CC2D1B: variants seen among roughly 807,000 people sequenced by gnomAD.
The protein encoded by CC2D1B is coiled-coil and C2 domain-containing protein 1B.
CC2D1B carries 92 observed loss-of-function variants against 110.8 expected under a neutral mutation model. That is an observed-to-expected ratio of 0.83 (90% CI 0.70 to 0.99). The LOEUF is 0.99. Ranked by LOEUF, CC2D1B falls within the 50% of genes least tolerant of loss-of-function variation. The probability of loss-of-function intolerance (pLI) is 0.00; values close to 1 mark genes in which losing one functional copy is unlikely to be tolerated. For synonymous variants in CC2D1B, 406 were observed against 429.2 expected (o/e 0.95, Z 0.67); for missense variants, 1,136 against 1,089.0 (o/e 1.04, Z -0.61).
Position 52,356,280 on chromosome 1 carries a change from G to C in CC2D1B, c.1960C>G (p.Arg654Gly), listed in dbSNP as rs79051491. ...TGCAGGATCTCCAGCTGTTTCTTGCGGTCCTGAGCAAGCTTCTCAAATCTG... is the reference window on the plus strand; with the variant it reads ...TGCAGGATCTCCAGCTGTTTCTTGCCGTCCTGAGCAAGCTTCTCAAATCTG... ...TTRFEKLAQD[R>G]KKQLEILQLA... Residue 654 changes from arginine (R) to glycine (G), a missense_variant, in exon 18 of 25, where the codon CGC becomes GGC. Physicochemically the swap from Arg to Gly is moderately radical, Grantham distance 125. Transcript: ENST00000284376. The C allele has an allele frequency of 7.4e-6, 12 of 1,614,162 alleles. No homozygotes were observed. The highest frequency in any genetic ancestry group is 1.6e-4 in the Middle Eastern group (1 of 6,062).
intron 15 of CC2D1B, 179 bp from the exon 16 acceptor site, chr1:52,357,305 G>A: frequency 1.1e-6 from 1 of 929,638 alleles, no homozygotes; most frequent in South Asian, 1.7e-5. Flanking sequence ...GCCTGGCCCA[G>A]CCTTGTCATC....
intron 16 of CC2D1B, 137 bp from the exon 17 acceptor site, chr1:52,356,579 C>T (rs762276363): frequency 5.9e-6 from 5 of 854,182 alleles, no homozygotes; most frequent in South Asian, 1.5e-5. Context: ...GCCCCAAGGG[C>T]ACTACTCCCA....
At chr1:52,364,511 C>T in intron 2 of CC2D1B, 41 bp downstream of exon 2, 1 of 1,462,932 alleles carries the variant, frequency 6.8e-7, no homozygotes, top group Non-Finnish European at 9.4e-7. Context: ...GGACCCCCAT[C>T]CCCAAACCGA....
chr1:52,359,524 G>A lies in CC2D1B; in HGVS notation c.953C>T (p.Ala318Val). The stretch of plus-strand genomic sequence containing the variant: ...CCCCTTCTCCAGGGCCTCCAGGACA[G>A]CACCGAATCTCTGCAGAAGTTGGAA... ...ELMRIGKRFG[A>V]VLEALEKGQP... The change falls in exon 9 of 25, where the codon GCT becomes GTT. Residue 318 changes from alanine to valine, a missense_variant. Coordinates refer to ENST00000284376, the MANE Select transcript of CC2D1B (RefSeq NM_001330585.2). 2 of 1,613,894 alleles carry A rather than the reference G, an allele frequency of 1.2e-6. No homozygotes were observed. Among genetic ancestry groups the A allele is most frequent in the Non-Finnish European group, 1.7e-6 (2 of 1,179,984 alleles).
At chr1:52,353,699 G>C in intron 23 of CC2D1B, 52 bp from the exon 24 acceptor site, 1 of 1,366,126 alleles carries the variant, frequency 7.3e-7, no homozygotes, top group Non-Finnish European at 1.0e-6. Flanking sequence ...GAGATGGGGA[G>C]CAGGCAGGTC....
rs1387427634 is a variant in CC2D1B at position 52,352,864 on chromosome 1, A to T, written c.*361T>A. The T allele has an allele frequency of 1.7e-5, 3 of 181,252 alleles. No homozygotes were observed. The highest frequency in any genetic ancestry group is 3.6e-5 in the Non-Finnish European group (3 of 84,268). The allele number at this position is 181,252 out of a possible 1,614,324, so 11.2% of individuals were successfully genotyped here. On this transcript the variant is annotated 3_prime_UTR_variant, in exon 25 of 25. Coordinates refer to ENST00000284376, the MANE Select transcript of CC2D1B (RefSeq NM_001330585.2). ...CCATAGTTAGATCTTTTAAAGGCAC[A>T]TCTAGAAGTGGTGCAACTGGAGGCA...
chr1:52,355,618 T>C lies in CC2D1B; in HGVS notation c.2177A>G (p.Tyr726Cys). 6.2e-7 allele frequency: 1 copy of C among 1,613,946 alleles called. No homozygotes were observed. The highest frequency in any genetic ancestry group is 8.5e-7 in the Non-Finnish European group (1 of 1,179,990). The change falls in exon 20 of 25, where the codon TAC (tyrosine) becomes TGC (cysteine). Residue 726 changes from tyrosine (Y) to cysteine (C), a missense_variant. Tyr to Cys is a radical substitution (Grantham distance 194). Coordinates refer to ENST00000284376, the MANE Select transcript of CC2D1B (RefSeq NM_001330585.2). ...CTACCTGAACCTCACCGAGTTAGGGTAGTGAAACTCAAACCGCACAAAAGC... is the reference window on the plus strand; with the variant it reads ...CTACCTGAACCTCACCGAGTTAGGGCAGTGAAACTCAAACCGCACAAAAGC... Reference protein sequence around the residue: ...LDAFVRFEFHYPNSDQAQKSK... With the variant: ...LDAFVRFEFHCPNSDQAQKSK...
rs757061293 is a variant in CC2D1B at position 52,356,380 on chromosome 1, T to G, written c.1937+4A>C. The G allele has an allele frequency of 6.2e-7, 1 of 1,614,198 alleles. No individual in the cohort carries two copies. The highest frequency in any genetic ancestry group is 1.7e-5 in the Admixed American group (1 of 60,022). Reference sequence around the variant, plus strand: ...ATGAGCCCAGCCCCAGCCCTTGCACTTACCGGGTGGTCTCAGCCACGTTGC... The same window carrying G: ...ATGAGCCCAGCCCCAGCCCTTGCACGTACCGGGTGGTCTCAGCCACGTTGC... On this transcript the variant is annotated splice_donor_region_variant and intron_variant, in intron 17 of 24. Coordinates refer to ENST00000284376, the MANE Select transcript of CC2D1B (RefSeq NM_001330585.2).
chr1:52,354,810 G>C (rs200270526), intron 22 of CC2D1B, 30 bp downstream of exon 22: 1 of 1,605,478 alleles, frequency 6.2e-7, no homozygotes, highest in African/African-American at 1.3e-5. Context: ...CTCCCGGCCC[G>C]TGTGGCAGCA....
rs960714059 is a variant in CC2D1B, at chr1:52,353,077, C to T, written c.*148G>A. 6.6e-6 allele frequency: 5 copies of T among 758,170 alleles called. No homozygotes were observed. Among genetic ancestry groups the T allele is most frequent in the South Asian group, 2.9e-5 (2 of 67,802 alleles). 47.0% of individuals were successfully genotyped at this position (758,170 alleles called of 1,614,324 possible). ...GGCCAACAACAGGAAAGACCAGAGT[C>T]GTGGTCAGTAGTGCACATGCTTAAC... On this transcript the variant is annotated 3_prime_UTR_variant, in exon 25 of 25. Transcript: ENST00000284376.
Position 52,352,876 on chromosome 1 carries a change from T to G in CC2D1B, c.*349A>C, listed in dbSNP as rs1027832660. The G allele has an allele frequency of 1.1e-5, 2 of 179,454 alleles. No individual in the cohort carries two copies. The highest frequency in any genetic ancestry group is 4.7e-5 in the African/African-American group (2 of 42,106). The allele number at this position is 179,454 out of a possible 1,614,324, so 11.1% of individuals were successfully genotyped here. The stretch of plus-strand genomic sequence containing the variant: ...CTTTTAAAGGCACATCTAGAAGTGG[T>G]GCAACTGGAGGCAGGGGTAAGCTGT... On this transcript the variant is annotated 3_prime_UTR_variant, in exon 25 of 25. Transcript: ENST00000284376.
rs569712607 is a variant in CC2D1B at position 52,358,432 on chromosome 1, T to C, written c.1360A>G (p.Thr454Ala). The C allele has an allele frequency of 1.9e-6, 3 of 1,613,776 alleles. No homozygotes were observed. The highest frequency in any genetic ancestry group is 2.5e-6 in the Non-Finnish European group (3 of 1,179,980). The change falls in exon 13 of 25, where the codon ACT (threonine) becomes GCT (alanine). Residue 454 changes from threonine to alanine, a missense_variant. Thr to Ala is a moderately conservative substitution (Grantham distance 58). Transcript: ENST00000284376. ...ACTGCGTCCTCCTCAACACCCATAG[T>C]GGACTCCAGGCCAGGGATGGGGGGA... ...GFPPIPGLES[T>A]MGVEEDAVAA...
rs1281476302 is a variant in CC2D1B, at chr1:52,353,176, TCTC to T, written c.*46_*48del. On this transcript the variant is annotated 3_prime_UTR_variant, in exon 25 of 25. Transcript: ENST00000284376. ...GAAGCCAGCAAAGCTGGGAAAGTCA[TCTC>T]CTGCACAGTCGCGGCCTGACTCCTC... 9.1e-6 allele frequency: 12 copies of T among 1,321,224 alleles called. No homozygotes were observed. Among genetic ancestry groups the T allele is most frequent in the African/African-American group, 3.0e-5 (2 of 66,678 alleles). 81.8% of individuals were successfully genotyped at this position (1,321,224 alleles called of 1,614,324 possible).
chr1:52,353,008 G>C lies in CC2D1B; in HGVS notation c.*217C>G. 1 of 398,746 alleles carries C rather than the reference G, an allele frequency of 2.5e-6. No individual in the cohort carries two copies. Among genetic ancestry groups the C allele is most frequent in the South Asian group, 2.0e-5 (1 of 49,436 alleles). 24.7% of individuals were successfully genotyped at this position (398,746 alleles called of 1,614,324 possible). On this transcript the variant is annotated 3_prime_UTR_variant, in exon 25 of 25. Coordinates refer to ENST00000284376, the MANE Select transcript of CC2D1B (RefSeq NM_001330585.2). ...TCGGGGCAGGGGGAGACAGCGGGGA[G>C]ATGGGCTCCTGGAACCCAGCCTGTT...
At chr1:52,354,774 G>A (rs1646608398) in intron 22 of CC2D1B, 66 bp downstream of exon 22, 2 of 1,595,586 alleles carry the variant, frequency 1.3e-6, no homozygotes, top group Non-Finnish European at 1.7e-6. Context: ...CCATGCAGGG[G>A]CAGCAGTGAC....
chr1:52,353,658 C>A lies in CC2D1B; in HGVS notation c.2431-11G>T, dbSNP rs1039992887. 13 of 1,580,216 alleles carry A rather than the reference C, an allele frequency of 8.2e-6. No individual in the cohort carries two copies. The highest frequency in any genetic ancestry group is 8.6e-6 in the Non-Finnish European group (10 of 1,162,372). On this transcript the variant is annotated splice_polypyrimidine_tract_variant and intron_variant, in intron 23 of 24. Transcript: ENST00000284376. ...CCTTCCATCCAGGACCTGTGAGGAC[C>A]ACAGAGAGGGAAATGGTAACTAAGG...
chr1:52,354,251 G>A (rs918469483), intron 23 of CC2D1B: 16 of 433,160 alleles, frequency 3.7e-5, no homozygotes, highest in Non-Finnish European at 6.2e-5. Context: ...TAGGTTATCA[G>A]TAAGGAGCTG....
chr1:52,357,511 C>G lies in CC2D1B; in HGVS notation c.1752+15G>C. The G allele has an allele frequency of 1.3e-6, 2 of 1,560,028 alleles. No individual in the cohort carries two copies. The highest frequency in any genetic ancestry group is 1.7e-6 in the Non-Finnish European group (2 of 1,149,862). ...CCGCCTGAGAAGTCCTGGTGGTTAA[C>G]CAGGTGGGACTCACCTTGGACAGAT... On this transcript the variant is annotated intron_variant, in intron 15 of 24. Coordinates refer to ENST00000284376, the MANE Select transcript of CC2D1B (RefSeq NM_001330585.2).
chr1:52,357,349 G>A (rs1646676057), intron 15 of CC2D1B, among the ~76,000 whole-genome samples, 177 bp downstream of exon 15: 1 of 152,176 alleles, frequency 6.6e-6, no homozygotes, highest in South Asian at 2.1e-4. Flanking sequence ...CCCTTCTCCT[G>A]GTTTCCTTTG....
Sources: gnomAD v4.1 joint callset for allele counts (sites outside exome capture counted in the v4.1 genomes callset) on GRCh38, gnomAD v4.1.1 for gene constraint, MANE v1.5 for transcripts, NCBI Gene and HGNC (gene_info 2026-07-23, HGNC 2026-07-21) for gene names.